C1GALT1: variants seen among roughly 807,000 people sequenced by gnomAD.
C1GALT1 encodes the protein glycoprotein-N-acetylgalactosamine 3-beta-galactosyltransferase 1.
A neutral mutation model predicts 31.0 loss-of-function variants in C1GALT1; 11 were observed. The observed-to-expected ratio is 0.36, with a 90% CI of 0.22 to 0.59. C1GALT1 has a LOEUF of 0.59. C1GALT1 is among the 20% of genes least tolerant of loss of function. The pLI is 0.79. For missense variants in C1GALT1, 424 were observed against 425.2 expected, an observed-to-expected ratio of 1.00 and a Z score of 0.03; for synonymous variants, 175 against 143.6, an observed-to-expected ratio of 1.22 and a Z score of -1.56.
intron 1 of C1GALT1, among the ~76,000 whole-genome samples, chr7:7,215,260 C>G (rs944472027): frequency 6.6e-6 from 1 of 152,120 alleles, no homozygotes; most frequent in African/African-American, 2.4e-5. Context: ...TTTGACAGAA[C>G]CATACAGAAA....
chr7:7,182,749 A>C lies in C1GALT1; in HGVS notation c.-89A>C. ...CTTCTGCGGCTGCCCAGAGAAGCAA[A>C]GGTCACCAGTCCCAAGTCGTCCCCC... On this transcript the variant is annotated 5_prime_UTR_variant, in exon 1 of 4. Coordinates refer to ENST00000436587, the MANE Select transcript of C1GALT1 (RefSeq NM_020156.5). 1.0e-6 allele frequency: 1 copy of C among 968,466 alleles called. No homozygotes were observed. The highest frequency in any genetic ancestry group is 1.2e-6 in the Non-Finnish European group (1 of 814,472). The allele number at this position is 968,466 out of a possible 1,614,324, so 60.0% of individuals were successfully genotyped here.
At chr7:7,182,042 C>T (rs7803202), upstream of C1GALT1, among the ~76,000 whole-genome samples, 4,003 of 152,232 alleles carry the variant, frequency 0.026, 155 homozygotes, top group African/African-American at 0.091. Context: ...TATCTCGGTT[C>T]TCAGCTCTTC....
intron 1 of C1GALT1, among the ~76,000 whole-genome samples, chr7:7,199,385 G>T (rs966482754): frequency 7.9e-5 from 12 of 151,694 alleles, no homozygotes; most frequent in Admixed American, 7.2e-4. Context: ...TAGTTTGATC[G>T]CACTGTGGTC....
intron 1 of C1GALT1, among the ~76,000 whole-genome samples, chr7:7,232,769 C>A (rs1193368113): frequency 6.6e-6 from 1 of 152,182 alleles, no homozygotes; most frequent in African/African-American, 2.4e-5. Context: ...GGATTACAGG[C>A]GTGAGCCACC....
chr7:7,197,399 G>A (rs112245895), intron 1 of C1GALT1, among the ~76,000 whole-genome samples: 4,684 of 151,946 alleles, frequency 0.031, 159 homozygotes, highest in African/African-American at 0.084. Context: ...CCATTGGTCT[G>A]TATCTCTGTT....
intron 3 of C1GALT1, among the ~76,000 whole-genome samples, chr7:7,242,804 T>C (rs1201085991): frequency 6.6e-6 from 1 of 152,124 alleles, no homozygotes; most frequent in Non-Finnish European, 1.5e-5. Flanking sequence ...CTGACCTACC[T>C]TAGGGCCACC....
intron 1 of C1GALT1, among the ~76,000 whole-genome samples, chr7:7,228,486 T>C (rs1387194425): frequency 6.6e-6 from 1 of 152,124 alleles, no homozygotes; most frequent in Non-Finnish European, 1.5e-5. Flanking sequence ...GTGGTTAAGC[T>C]GTGTCTTTTT....
chr7:7,221,186 A>C (rs1782495711), intron 1 of C1GALT1, among the ~76,000 whole-genome samples: 1 of 127,852 alleles, frequency 7.8e-6, no homozygotes, highest in Admixed American at 7.7e-5. Context: ...TAGTTTTCAC[A>C]GTTTTTTTTC....
intron 1 of C1GALT1, among the ~76,000 whole-genome samples, chr7:7,221,994 G>A (rs1326471275): frequency 6.6e-6 from 1 of 152,194 alleles, no homozygotes; most frequent in Non-Finnish European, 1.5e-5. Flanking sequence ...GAGGGACTGA[G>A]CTAAAATTAC....
At chr7:7,209,577 C>A (rs1478060013) in intron 1 of C1GALT1, 2 of 152,230 alleles carry the variant, frequency 1.3e-5, no homozygotes, top group African/African-American at 4.8e-5. Flanking sequence ...GTATGTCTTA[C>A]AGCCTTCTGA....
intron 1 of C1GALT1, among the ~76,000 whole-genome samples, chr7:7,196,168 C>G (rs1436418564): frequency 1.3e-5 from 2 of 151,876 alleles, no homozygotes; most frequent in Non-Finnish European, 2.9e-5. Flanking sequence ...CACCTGTTAA[C>G]TCATCATTTA....
intron 1 of C1GALT1, among the ~76,000 whole-genome samples, chr7:7,198,299 T>G (rs1307957968): frequency 1.3e-5 from 2 of 152,204 alleles, no homozygotes; most frequent in African/African-American, 4.8e-5. Flanking sequence ...ATCATGTGGT[T>G]TTTGTCTTTG....
chr7:7,197,817 G>A (rs142747560), intron 1 of C1GALT1, among the ~76,000 whole-genome samples: 5,009 of 152,246 alleles, frequency 0.033, 185 homozygotes, highest in African/African-American at 0.091. Context: ...GTGAATGGGA[G>A]TTCACTCATG....
intron 1 of C1GALT1, among the ~76,000 whole-genome samples, chr7:7,229,785 C>T (rs1368941586): frequency 6.6e-6 from 1 of 152,120 alleles, no homozygotes; most frequent in Non-Finnish European, 1.5e-5. Flanking sequence ...GAATTTGAGA[C>T]CCCCTCATCA....
chr7:7,227,557 A>G, intron 1 of C1GALT1, among the ~76,000 whole-genome samples: 1 of 151,978 alleles, frequency 6.6e-6, no homozygotes, highest in Non-Finnish European at 1.5e-5. Context: ...CGTCTCTACT[A>G]AAAACACAAA....
intron 1 of C1GALT1, among the ~76,000 whole-genome samples, chr7:7,202,524 C>T (rs1451915735): frequency 6.6e-6 from 1 of 152,126 alleles, no homozygotes; most frequent in Non-Finnish European, 1.5e-5. Context: ...CCCAAAAATC[C>T]TTTGACCATA....
intron 1 of C1GALT1, among the ~76,000 whole-genome samples, chr7:7,201,353 T>A (rs1781523724): frequency 6.6e-6 from 1 of 152,192 alleles, no homozygotes; most frequent in South Asian, 2.1e-4. Context: ...CTACCCGATC[T>A]TTCCTCTGGA....
At position 7,200,809 on chromosome 7, in the gene C1GALT1, G is replaced by A. The variant is rs537836003; in HGVS notation, c.-18+17989G>A. Reference sequence around the variant, plus strand: ...AATTCGGCTACTGAAGCTTGTGCATGCATCACGTAGTTCTTGTGCCATGGT... The same window carrying A: ...AATTCGGCTACTGAAGCTTGTGCATACATCACGTAGTTCTTGTGCCATGGT... On this transcript the variant is annotated intron_variant, in intron 1 of 3. Coordinates refer to ENST00000436587, the MANE Select transcript of C1GALT1 (RefSeq NM_020156.5). Among the ~76,000 whole-genome samples the A allele has an allele frequency of 5.3e-5, 8 of 152,284 alleles. No homozygotes were observed. In the South Asian group the frequency reaches 1.7e-3, roughly 32 times the overall value.
chr7:7,194,567 G>A (rs972962558), intron 1 of C1GALT1, among the ~76,000 whole-genome samples: 3 of 151,908 alleles, frequency 2.0e-5, no homozygotes, highest in South Asian at 2.1e-4. Flanking sequence ...TGTTGGATTC[G>A]GCTAGCTAGT....
Sources: allele counts gnomAD v4.1 joint callset (sites outside exome capture counted in the v4.1 genomes callset), GRCh38; gene constraint gnomAD v4.1.1; transcripts MANE v1.5; gene names NCBI Gene and HGNC (gene_info 2026-07-23, HGNC 2026-07-21).